The following OSBPL11 variants were observed in gnomAD, a reference collection of about 807,000 sequenced individuals.
The protein encoded by OSBPL11 is oxysterol binding protein like 11.
In OSBPL11, 33 loss-of-function variants were observed where a neutral mutation model predicts 84.4. That is an observed-to-expected ratio of 0.39 (90% CI 0.30 to 0.52). The LOEUF is 0.52. OSBPL11 is among the 20% of genes least tolerant of loss of function. The pLI is 0.72. For synonymous variants in OSBPL11, 276 were observed against 310.2 expected, an observed-to-expected ratio of 0.89 and a Z score of 1.16; for missense variants, 736 against 901.1, an observed-to-expected ratio of 0.82 and a Z score of 2.35.
intron 11 of OSBPL11, among the ~76,000 whole-genome samples, chr3:125,537,923 T>G (rs1002649310): frequency 1.3e-5 from 2 of 152,200 alleles, no homozygotes; most frequent in Non-Finnish European, 2.9e-5. Context: ...ATTGCACTGG[T>G]TTAACATCTA....
At chr3:125,544,349 C>T (rs1935779202) in intron 10 of OSBPL11, among the ~76,000 whole-genome samples, 1 of 152,180 alleles carries the variant, frequency 6.6e-6, no homozygotes, top group African/African-American at 2.4e-5. Flanking sequence ...AGCTACTGCA[C>T]CTGGCCAAGA....
At chr3:125,534,951 G>GAAAAAA (rs56164804) in intron 11 of OSBPL11, among the ~76,000 whole-genome samples, 2 of 64,640 alleles carry the variant, frequency 3.1e-5, no homozygotes, top group East Asian at 4.5e-4. Flanking sequence ...TAAGAAATTA[G>GAAAAAA]AAAAAAAAAA....
At chr3:125,539,832 T>C (rs1935704132) in intron 10 of OSBPL11, among the ~76,000 whole-genome samples, 1 of 152,072 alleles carries the variant, frequency 6.6e-6, no homozygotes, top group Non-Finnish European at 1.5e-5. Context: ...GTTCAGAACT[T>C]AGGGAATGAT....
intron 9 of OSBPL11, among the ~76,000 whole-genome samples, chr3:125,548,742 C>T (rs897496447): frequency 2.0e-5 from 3 of 151,938 alleles, no homozygotes; most frequent in Non-Finnish European, 4.4e-5. Context: ...AATAAATGCT[C>T]GTTAAGCACT....
intron 10 of OSBPL11, among the ~76,000 whole-genome samples, chr3:125,546,578 C>G (rs1935820063): frequency 5.3e-5 from 8 of 152,050 alleles, no homozygotes; most frequent in Admixed American, 5.2e-4. Flanking sequence ...GTGATCCACC[C>G]ATGACTAAAA....
intron 1 of OSBPL11, among the ~76,000 whole-genome samples, chr3:125,587,991 G>A (rs1161862657): frequency 6.6e-6 from 1 of 152,166 alleles, no homozygotes; most frequent in African/African-American, 2.4e-5. Context: ...GGAGGCTGAG[G>A]TGGGTGGATC....
At position 125,552,732 on chromosome 3, in the gene OSBPL11, T is replaced by G; in HGVS notation, c.1156-53A>C. ...AAATTTAATCCATGTGTAGCATATCTGTAGACAACTATTCTCTCTCTGAAA... is the reference window on the plus strand; with the variant it reads ...AAATTTAATCCATGTGTAGCATATCGGTAGACAACTATTCTCTCTCTGAAA... On this transcript the variant is annotated intron_variant, in intron 8 of 12. Coordinates refer to ENST00000296220, the MANE Select transcript of OSBPL11 (RefSeq NM_022776.5). 3 of 1,535,324 alleles carry G rather than the reference T, an allele frequency of 2.0e-6. No individual in the cohort carries two copies. The South Asian group carries it at 3.8e-5, about 19-fold the overall frequency.
intron 8 of OSBPL11, among the ~76,000 whole-genome samples, chr3:125,557,791 C>CTTTTTTT (rs11295103): frequency 1.6e-4 from 13 of 81,974 alleles, no homozygotes; most frequent in Non-Finnish European, 2.4e-4. Flanking sequence ...ATACAACTTT[C>CTTTTTTT]TTTTTTTTTT....
chr3:125,538,280 AG>A (rs1307725859), intron 11 of OSBPL11, among the ~76,000 whole-genome samples, 170 bp downstream of exon 11: 4 of 152,228 alleles, frequency 2.6e-5, no homozygotes. Context: ...TGTATATCAA[AG>A]AATCTCACAG....
chr3:125,579,971 T>C lies in OSBPL11; in HGVS notation c.303A>G (p.Lys101=). Residue 101 remains lysine, a synonymous_variant, in exon 3 of 13, where the codon AAA becomes AAG. Coordinates refer to ENST00000296220, the MANE Select transcript of OSBPL11 (RefSeq NM_022776.5). ...CTGCAAGCTGCAAAGTTCCTCTAGG[T>C]TTCTGATTTCTAGACTGTTCATTCA... ...YFVNEQSRNQ[K]PRGTLQLAGA... is the part of the protein sequence containing the mutation. The C allele has an allele frequency of 6.2e-7, 1 of 1,614,180 alleles. No homozygotes were observed. The highest frequency in any genetic ancestry group is 1.1e-5 in the South Asian group (1 of 91,088).
At chr3:125,578,802 C>T (rs1936374003) in intron 4 of OSBPL11, among the ~76,000 whole-genome samples, 158 bp downstream of exon 4, 1 of 151,874 alleles carries the variant, frequency 6.6e-6, no homozygotes, top group Middle Eastern at 3.2e-3. Context: ...ATGGTTGAAC[C>T]ACCTTGTGAA....
chr3:125,553,357 C>T (rs1489383108), intron 8 of OSBPL11, among the ~76,000 whole-genome samples: 2 of 151,982 alleles, frequency 1.3e-5, no homozygotes, highest in Non-Finnish European at 2.9e-5. Context: ...AATGTCATTC[C>T]CTGAGAACAG....
At position 125,540,328 on chromosome 3, in the gene OSBPL11, C is replaced by CAAAAAAAAAAA. The variant is rs201858368; in HGVS notation, c.1842-1706_1842-1696dup. Among the ~76,000 whole-genome samples, 286 of 85,298 alleles carry CAAAAAAAAAAA rather than the reference C, an allele frequency of 3.4e-3. 18 individuals carry two copies. Among genetic ancestry groups the CAAAAAAAAAAA allele is most frequent in the Non-Finnish European group, 5.0e-3 (233 of 47,016 alleles). The allele number at this position is 85,298 out of a possible 152,430, so 56.0% of individuals were successfully genotyped here. ...TGGGCGACAGAGGATGGCTCTGTCTCAAAAAAAAAAAAAAAAAAAAAAAAA... is the reference window on the plus strand; with the variant it reads ...TGGGCGACAGAGGATGGCTCTGTCTCAAAAAAAAAAAAAAAAAAAAAAAAAAAAAAAAAAAA... On this transcript the variant is annotated intron_variant, in intron 10 of 12. Transcript: ENST00000296220.
At chr3:125,564,568 A>G (rs1936128359) in intron 6 of OSBPL11, among the ~76,000 whole-genome samples, 1 of 152,174 alleles carries the variant, frequency 6.6e-6, no homozygotes, top group Admixed American at 6.5e-5. Flanking sequence ...TTGCTGATCT[A>G]GGTTTCACAG....
chr3:125,534,624 C>A (rs1386649236), intron 11 of OSBPL11, among the ~76,000 whole-genome samples: 1 of 148,410 alleles, frequency 6.7e-6, no homozygotes, highest in African/African-American at 2.5e-5. Flanking sequence ...GAAAATATTT[C>A]GAAATGAAAA....
At position 125,595,470 on chromosome 3, in the gene OSBPL11, C is replaced by G. The variant is rs1378163310; in HGVS notation, c.-670G>C. Among the ~76,000 whole-genome samples the G allele has an allele frequency of 6.6e-6, 1 of 152,198 alleles. No individual in the cohort carries two copies. Among genetic ancestry groups the G allele is most frequent in the Non-Finnish European group, 1.5e-5 (1 of 68,034 alleles). ...GGTTCCCAGGAGCCGGTGAGTCTCT[C>G]GCGCTATCTCCAGACCCAAGCGCGA... On this transcript the variant is annotated 5_prime_UTR_variant, in exon 1 of 13. Transcript: ENST00000296220.
chr3:125,553,365 C>T (rs900524889), intron 8 of OSBPL11, among the ~76,000 whole-genome samples: 1 of 152,136 alleles, frequency 6.6e-6, no homozygotes, highest in African/African-American at 2.4e-5. Context: ...TCCCTGAGAA[C>T]AGACTAAAGA....
chr3:125,589,229 C>T (rs1436640779), intron 1 of OSBPL11, among the ~76,000 whole-genome samples: 1 of 151,408 alleles, frequency 6.6e-6, no homozygotes, highest in Non-Finnish European at 1.5e-5. Flanking sequence ...CTGTACCCAG[C>T]TACTCGGGAG....
intron 1 of OSBPL11, among the ~76,000 whole-genome samples, chr3:125,592,751 A>T (rs1404418397): frequency 2.6e-5 from 4 of 152,162 alleles, no homozygotes; most frequent in Non-Finnish European, 5.9e-5. Flanking sequence ...AATAAGAGAT[A>T]TCAAGCATAT....
Sources: allele counts gnomAD v4.1 joint callset (sites outside exome capture counted in the v4.1 genomes callset), GRCh38; gene constraint gnomAD v4.1.1; transcripts MANE v1.5; gene names NCBI Gene and HGNC (gene_info 2026-07-23, HGNC 2026-07-21).